The following PPRC1 variants were observed in gnomAD, a reference collection of about 807,000 sequenced individuals.
The protein encoded by PPRC1 is PPARG related coactivator 1.
In PPRC1, 23 loss-of-function variants were observed where a neutral mutation model predicts 132.5. The ratio of observed to expected loss-of-function variants is 0.17; its 90% CI spans 0.12 to 0.25. PPRC1 has a LOEUF of 0.25. Among genes scored for constraint, PPRC1 ranks in the 10% least tolerant of loss-of-function variants. The pLI, the probability that PPRC1 is intolerant of heterozygous loss-of-function variation, is 1.00. For missense variants in PPRC1, 2,006 were observed against 2,089.1 expected (o/e 0.96, Z 0.78); for synonymous variants, 872 against 833.5 (o/e 1.05, Z -0.80).
chr10:102,132,307 G>A (rs775946403), upstream of PPRC1, among the ~76,000 whole-genome samples: 46 of 152,238 alleles, frequency 3.0e-4, no homozygotes, highest in Non-Finnish European at 4.3e-4. Context: ...AATGAATGAA[G>A]AGTAGAGACA....
At chr10:102,120,000 C>A in the PPRC1 span, 2 of 1,112,420 alleles carry the variant, frequency 1.8e-6, no homozygotes, top group Non-Finnish European at 2.5e-6. Context: ...CGACGCCCCC[C>A]ACACAAGTTC....
At chr10:102,126,748 C>G in the PPRC1 span, among the ~76,000 whole-genome samples, 2 of 151,900 alleles carry the variant, frequency 1.3e-5, no homozygotes, top group African/African-American at 4.8e-5. Context: ...TGTAAGACAC[C>G]ACACCCAGCC....
chr10:102,120,287 C>T, the PPRC1 span: 1 of 984,066 alleles, frequency 1.0e-6, no homozygotes, highest in East Asian at 1.1e-4. Context: ...CTGTCAGGCG[C>T]GGAGCAGACA....
At chr10:102,137,561 A>G (rs1349685338) in intron 1 of PPRC1, among the ~76,000 whole-genome samples, 1 of 151,982 alleles carries the variant, frequency 6.6e-6, no homozygotes, top group Non-Finnish European at 1.5e-5. Flanking sequence ...ATTCTGAACA[A>G]TCTTGATTTT....
chr10:102,141,857 G>T lies in PPRC1; in HGVS notation c.3349G>T (p.Ala1117Ser), dbSNP rs2068996708. Residue 1117 changes from alanine (A) to serine (S), a missense_variant, in exon 5 of 14, where the codon GCT (alanine) becomes TCT (serine). Ala to Ser is a moderately conservative substitution (Grantham distance 99, BLOSUM62 1). Transcript: ENST00000278070. ...TRPREKPPLPATKAVPTPRQS... is the reference protein window; with the variant it reads ...TRPREKPPLPSTKAVPTPRQS... ...GCCCAGGGAGAAGCCCCCCTTGCCTGCTACCAAGGCTGTTCCCACACCAAG... is the reference window on the plus strand; with the variant it reads ...GCCCAGGGAGAAGCCCCCCTTGCCTTCTACCAAGGCTGTTCCCACACCAAG... 1.5e-5 allele frequency: 25 copies of T among 1,614,122 alleles called. No homozygotes were observed. The highest frequency in any genetic ancestry group is 2.1e-5 in the Non-Finnish European group (25 of 1,180,010).
Position 102,140,298 on chromosome 10 carries a change from T to C in PPRC1, c.1790T>C (p.Val597Ala), listed in dbSNP as rs977809063. Reference sequence around the variant, plus strand: ...TCTGTTGAAGCTGATCCCACTGCAGTTGGCCCTGTTCTAGCTGGCCCTGTA... The same window carrying C: ...TCTGTTGAAGCTGATCCCACTGCAGCTGGCCCTGTTCTAGCTGGCCCTGTA... ...VDSVEADPTA[V>A]GPVLAGPVPV... Residue 597 changes from valine to alanine, a missense_variant, in exon 5 of 14, where the codon GTT becomes GCT. By Grantham distance (64) the Val-to-Ala change is moderately conservative (BLOSUM62 0). Transcript: ENST00000278070. The C allele has an allele frequency of 5.6e-6, 9 of 1,614,106 alleles. No individual in the cohort carries two copies. The highest frequency in any genetic ancestry group is 1.3e-5 in the African/African-American group (1 of 74,934).
At chr10:102,126,891 A>T in the PPRC1 span, among the ~76,000 whole-genome samples, 3 of 151,544 alleles carry the variant, frequency 2.0e-5, no homozygotes, top group Non-Finnish European at 4.4e-5. Flanking sequence ...AACATCAGTC[A>T]TTTTTCTGCC....
rs1190490940 is a variant in PPRC1 at position 102,148,507 on chromosome 10, T to C, written c.4536T>C (p.Ser1512=). ...GATCCCCATCCCCCCGCCGGAGAAGTGACAGGAGGCGGCGGTGAGCATGTG... is the reference window on the plus strand; with the variant it reads ...GATCCCCATCCCCCCGCCGGAGAAGCGACAGGAGGCGGCGGTGAGCATGTG... ...RSRSPSPRRR[S]DRRRRYSSYR... The change falls in exon 10 of 14, where the codon AGT becomes AGC. Residue 1512 remains serine (S), a synonymous_variant. Transcript: ENST00000278070. The surrounding 1 kb of genome is among the most constrained non-coding windows in gnomAD (Gnocchi z 4.2). 6.2e-7 allele frequency: 1 copy of C among 1,613,514 alleles called. No homozygotes were observed. The highest frequency in any genetic ancestry group is 1.1e-5 in the South Asian group (1 of 91,060).
At position 102,141,619 on chromosome 10, in the gene PPRC1, C is replaced by T; in HGVS notation, c.3111C>T (p.Pro1037=). 1 of 1,614,180 alleles carries T rather than the reference C, an allele frequency of 6.2e-7. No homozygotes were observed. Among genetic ancestry groups the T allele is most frequent in the Non-Finnish European group, 8.5e-7 (1 of 1,180,046 alleles). ...TACTTCCCTTGTCGATGGCTCCTCC[C>T]CTCAGTCTTGGGCTACCTGGCCATG... The part of the protein sequence containing the change: ...ENVLPLSMAP[P]LSLGLPGHGA... The change falls in exon 5 of 14, where the codon CCC becomes CCT. Residue 1037 remains proline, a synonymous_variant. Transcript: ENST00000278070.
At position 102,146,803 on chromosome 10, in the gene PPRC1, G is replaced by C. The variant is rs1564955068; in HGVS notation, c.3811G>C (p.Ala1271Pro). Residue 1271 changes from alanine (A) to proline (P), a missense_variant, in exon 9 of 14, where the codon GCC becomes CCC. Transcript: ENST00000278070. Reference protein sequence around the residue: ...GTLKPEGVTEAKHPAAVRLQE... With the variant: ...GTLKPEGVTEPKHPAAVRLQE... ...CCTGAAGCCTGAAGGAGTTACGGAG[G>C]CCAAACATCCAGCTGCAGTTCGCCT... 4 of 1,613,950 alleles carry C rather than the reference G, an allele frequency of 2.5e-6. No homozygotes were observed. Among genetic ancestry groups the C allele is most frequent in the Non-Finnish European group, 3.4e-6 (4 of 1,180,014 alleles).
the PPRC1 span, among the ~76,000 whole-genome samples, chr10:102,123,703 G>T: frequency 1.6e-4 from 24 of 151,268 alleles, no homozygotes; most frequent in South Asian, 5.0e-3. Context: ...GCTAATTTTT[G>T]TATTTTTTTT....
chr10:102,139,827 A>C lies in PPRC1; in HGVS notation c.1319A>C (p.Lys440Thr). Residue 440 changes from lysine to threonine, a missense_variant, in exon 5 of 14, where the codon AAG (lysine) becomes ACG (threonine). Around this residue, in one of 2 missense-constraint regions of PPRC1, gnomAD observed 1,914 missense variants for 1,917.2 expected, o/e 1.00. Transcript: ENST00000278070. ...PREVVEPVVP[K>T]EPQNPPANAA... The stretch of plus-strand genomic sequence containing the variant: ...GAGGTCGTGGAGCCGGTGGTGCCCA[A>C]GGAGCCTCAGAACCCACCTGCCAAT... 1 of 1,614,128 alleles carries C rather than the reference A, an allele frequency of 6.2e-7. No individual in the cohort carries two copies. The highest frequency in any genetic ancestry group is 8.5e-7 in the Non-Finnish European group (1 of 1,180,018).
intron 1 of PPRC1, among the ~76,000 whole-genome samples, chr10:102,134,738 C>T (rs947681962): frequency 2.6e-5 from 4 of 152,194 alleles, no homozygotes; most frequent in African/African-American, 7.2e-5. Flanking sequence ...GCCAGAATCT[C>T]AAGGCAATGC....
At position 102,140,689 on chromosome 10, in the gene PPRC1, A is replaced by G; in HGVS notation, c.2181A>G (p.Lys727=). The G allele has an allele frequency of 6.2e-7, 1 of 1,614,096 alleles. No individual in the cohort carries two copies. The highest frequency in any genetic ancestry group is 8.5e-7 in the Non-Finnish European group (1 of 1,180,004). ...CAAAGACCATCATCCCTGAAGTCAA[A>G]GAGGTTGTGGATTCTCTGAAAATTG... ...DPPKTIIPEV[K]EVVDSLKIES... Residue 727 remains lysine, a synonymous_variant, in exon 5 of 14, where the codon AAA becomes AAG. Transcript: ENST00000278070.
At chr10:102,120,309 A>G in the PPRC1 span, 2 of 984,230 alleles carry the variant, frequency 2.0e-6, no homozygotes, top group South Asian at 4.7e-5. Context: ...GAAGGAAGCC[A>G]GGCAGGAAGG....
intron 1 of PPRC1, among the ~76,000 whole-genome samples, chr10:102,133,776 A>C (rs996309276): frequency 1.3e-5 from 2 of 151,612 alleles, no homozygotes; most frequent in African/African-American, 4.8e-5. Context: ...GGCTGACGCG[A>C]ACTGGGTGTG....
chr10:102,144,230 C>G lies in PPRC1; in HGVS notation c.3551-20C>G. 1 of 1,613,796 alleles carries G rather than the reference C, an allele frequency of 6.2e-7. No homozygotes were observed. The highest frequency in any genetic ancestry group is 8.5e-7 in the Non-Finnish European group (1 of 1,179,676). ...CTAGAACATCTGGTTGGGCTTTTAACTAGTATGGTTTCTTTGCAGCCAAAA... is the reference window on the plus strand; with the variant it reads ...CTAGAACATCTGGTTGGGCTTTTAAGTAGTATGGTTTCTTTGCAGCCAAAA... On this transcript the variant is annotated intron_variant, in intron 6 of 13. Transcript: ENST00000278070.
the PPRC1 span, among the ~76,000 whole-genome samples, chr10:102,121,697 G>C: frequency 6.6e-6 from 1 of 152,124 alleles, no homozygotes; most frequent in South Asian, 2.1e-4. Flanking sequence ...TCTTTCTTAA[G>C]TTTCAGTATG....
chr10:102,129,721 C>T (rs1011354156), upstream of PPRC1, among the ~76,000 whole-genome samples: 1 of 152,204 alleles, frequency 6.6e-6, no homozygotes, highest in African/African-American at 2.4e-5. Context: ...CTCCCTGCCT[C>T]AGCCTCCTGA....
Sources: allele counts gnomAD v4.1 joint callset (sites outside exome capture counted in the v4.1 genomes callset), GRCh38; gene constraint gnomAD v4.1.1; regional missense constraint gnomAD v4.1.1; non-coding constraint Gnocchi (gnomAD v3.1); transcripts MANE v1.5; gene names NCBI Gene and HGNC (gene_info 2026-07-23, HGNC 2026-07-21).